Variants in IRS4 observed in about 807,000 individuals in gnomAD.
IRS4 encodes the protein 160 kDa phosphotyrosine protein.
A neutral mutation model predicts 48.6 loss-of-function variants in IRS4; 15 were observed. The ratio of observed to expected loss-of-function variants is 0.31; its 90% CI spans 0.21 to 0.48. The LOEUF is 0.48. Among genes scored for constraint, IRS4 ranks in the 20% least tolerant of loss-of-function variants. IRS4 has a pLI of 0.99. For synonymous variants in IRS4, 459 were observed against 413.2 expected (o/e 1.11, Z -1.34); for missense variants, 987 against 1,023.4 (o/e 0.96, Z 0.49).
chrX:108,733,448 A>T lies in IRS4; in HGVS notation c.2897T>A (p.Val966Glu), dbSNP rs754194620. ...FSNYVNVEFG[V>E]PFPNPANDLS... ...GTCGTTTGCTGGATTTGGAAATGGC[A>T]CTCCAAACTCAACATTCACATAATT... Residue 966 changes from valine to glutamate, a missense_variant, in exon 1 of 2, where the codon GTG (valine) becomes GAG (glutamate). Transcript: ENST00000372129. 3 of 1,210,732 alleles carry T rather than the reference A, an allele frequency of 2.5e-6. No homozygotes were observed. The highest frequency in any genetic ancestry group is 3.4e-6 in the Non-Finnish European group (3 of 895,123).
Position 108,720,345 on chromosome X carries a change from C to G in IRS4, c.*2174G>C, listed in dbSNP as rs146772513. On this transcript the variant is annotated 3_prime_UTR_variant, in exon 2 of 2. Coordinates refer to ENST00000372129, the MANE Select transcript of IRS4 (RefSeq NM_001379150.1). ...GTAAACATATTCCACAAAGATTCTT[C>G]CAGCACAATACTGAATAAATTAATT... The G allele has an allele frequency of 1.5e-4, 17 of 112,267 alleles. No homozygotes were observed. Among genetic ancestry groups the G allele is most frequent in the South Asian group, 7.4e-4 (2 of 2,711 alleles). 9.3% of individuals were successfully genotyped at this position (112,267 alleles called of 1,213,427 possible).
In IRS4 at chrX:108,735,937, G is replaced by C. The variant is rs112965301; in HGVS notation, c.408C>G (p.Ala136=). The C allele has an allele frequency of 5.1e-5, 61 of 1,205,197 alleles. No individual in the cohort carries two copies. The highest frequency in any genetic ancestry group is 4.8e-4 in the African/African-American group (27 of 56,711). ...GCGGTGGAATGAGCGGGGGGATCGC[G>C]GCGCCAGAGGCGGCCGCCGCTGCTG... The part of the protein sequence containing the change: ...AAAAAAAASG[A]AIPPLIPPRR... The change falls in exon 1 of 2, where the codon GCC becomes GCG. Residue 136 remains alanine, a synonymous_variant. Coordinates refer to ENST00000372129, the MANE Select transcript of IRS4 (RefSeq NM_001379150.1).
chrX:108,735,967 C>A lies in IRS4; in HGVS notation c.378G>T (p.Ala126=), dbSNP rs760593078. 1.7e-6 allele frequency: 2 copies of A among 1,207,492 alleles called. No homozygotes were observed. Among genetic ancestry groups the A allele is most frequent in the Admixed American group, 2.2e-5 (1 of 45,957 alleles). ...RKFRHSVRAA[A]AAAAAAASGA... ...CAGAGGCGGCCGCCGCTGCTGCAGC[C>A]GCCGCGGCGCGGACACTGTGCCGGA... is the stretch of plus-strand genomic sequence containing the variant. The change falls in exon 1 of 2, where the codon GCG becomes GCT. Residue 126 remains alanine (A), a synonymous_variant. Coordinates refer to ENST00000372129, the MANE Select transcript of IRS4 (RefSeq NM_001379150.1).
Position 108,736,527 on chromosome X carries a change from A to C in IRS4, c.-183T>G. The C allele has an allele frequency of 2.6e-6, 2 of 755,559 alleles. No homozygotes were observed. Among genetic ancestry groups the C allele is most frequent in the Non-Finnish European group, 3.8e-6 (2 of 526,067 alleles). 62.3% of individuals were successfully genotyped at this position (755,559 alleles called of 1,213,427 possible). On this transcript the variant is annotated 5_prime_UTR_variant, in exon 1 of 2. Transcript: ENST00000372129. Reference sequence around the variant, plus strand: ...CAAAACAACACGTGACCACAGCCTCACGCGGCGGCCGCTGCGGATCCTGCT... The same window carrying C: ...CAAAACAACACGTGACCACAGCCTCCCGCGGCGGCCGCTGCGGATCCTGCT...
rs370954750 is a variant in IRS4 at position 108,735,535 on chromosome X, G to C, written c.810C>G (p.Thr270=). 8.3e-7 allele frequency: 1 copy of C among 1,207,336 alleles called. No homozygotes were observed. Among genetic ancestry groups the C allele is most frequent in the Non-Finnish European group, 1.1e-6 (1 of 894,483 alleles). ...DEEVVFVRLN[T]EVASVVVQLL... is the part of the protein sequence containing the mutation. Reference sequence around the variant, plus strand: ...GCTGGACGACCACGCTGGCCACTTCGGTGTTCAGCCTCACAAACACGACCT... The same window carrying C: ...GCTGGACGACCACGCTGGCCACTTCCGTGTTCAGCCTCACAAACACGACCT... Residue 270 remains threonine (T), a synonymous_variant, in exon 1 of 2, where the codon ACC becomes ACG. Coordinates refer to ENST00000372129, the MANE Select transcript of IRS4 (RefSeq NM_001379150.1).
chrX:108,735,734 C>T lies in IRS4; in HGVS notation c.611G>A (p.Arg204His). The T allele has an allele frequency of 8.4e-7, 1 of 1,186,343 alleles. No individual in the cohort carries two copies. The highest frequency in any genetic ancestry group is 1.1e-6 in the Non-Finnish European group (1 of 883,805). Reference sequence around the variant, plus strand: ...CTGCGCGCCGAGCGTGCCGCAGCGGCGGCGCTTGCTCTCGAGGATGAGGCG... The same window carrying T: ...CTGCGCGCCGAGCGTGCCGCAGCGGTGGCGCTTGCTCTCGAGGATGAGGCG... ...LSRLILESKR[R>H]RCGTLGAQPD... The change falls in exon 1 of 2, where the codon CGC becomes CAC. Residue 204 changes from arginine to histidine, a missense_variant. By Grantham distance (29) the Arg-to-His change is conservative. Coordinates refer to ENST00000372129, the MANE Select transcript of IRS4 (RefSeq NM_001379150.1).
At position 108,735,097 on chromosome X, in the gene IRS4, C is replaced by A; in HGVS notation, c.1248G>T (p.Leu416=). The A allele has an allele frequency of 8.3e-7, 1 of 1,211,896 alleles. No homozygotes were observed. Among genetic ancestry groups the A allele is most frequent in the Non-Finnish European group, 1.1e-6 (1 of 895,598 alleles). Residue 416 remains leucine (L), a synonymous_variant, in exon 1 of 2, where the codon CTG becomes CTT. Coordinates refer to ENST00000372129, the MANE Select transcript of IRS4 (RefSeq NM_001379150.1). ...VAHSRRGRLH[L]PRGRRSRRAV... is the part of the protein sequence containing the mutation. Reference sequence around the variant, plus strand: ...CTCTCCTTGACCTGCGCCCTCTGGGCAGGTGCAGTCTTCCTCGCCTGGAGT... The same window carrying A: ...CTCTCCTTGACCTGCGCCCTCTGGGAAGGTGCAGTCTTCCTCGCCTGGAGT...
chrX:108,726,880 C>T (rs1053621153), intron 1 of IRS4: 3 of 112,185 alleles, frequency 2.7e-5, no homozygotes, highest in African/African-American at 9.7e-5. Flanking sequence ...GGCAGCACAG[C>T]CTTGGATCTG....
chrX:108,727,242 A>C (rs2068880879), intron 1 of IRS4, among the ~76,000 whole-genome samples: 1 of 112,465 alleles, frequency 8.9e-6, no homozygotes, highest in African/African-American at 3.2e-5. Context: ...TTAATTATTC[A>C]GCCAGAAGTT....
At position 108,736,372 on chromosome X, in the gene IRS4, C is replaced by A; in HGVS notation, c.-28G>T. ...TGATGCACGATGGTTTTAAGGTGAG[C>A]GAGGAGGAGGGGGAATTCAGGAAAG... On this transcript the variant is annotated 5_prime_UTR_variant, in exon 1 of 2. Coordinates refer to ENST00000372129, the MANE Select transcript of IRS4 (RefSeq NM_001379150.1). The A allele has an allele frequency of 2.5e-6, 3 of 1,208,951 alleles. No homozygotes were observed. The highest frequency in any genetic ancestry group is 3.4e-6 in the Non-Finnish European group (3 of 894,754).
At chrX:108,722,774 T>A (rs1319025685) in intron 1 of IRS4, 2 of 202,165 alleles carry the variant, frequency 9.9e-6, no homozygotes, top group Non-Finnish European at 1.9e-5. Context: ...CACTGACATT[T>A]CTGGTGGACA....
Position 108,722,399 on chromosome X carries a change from G to A in IRS4, c.*120C>T. On this transcript the variant is annotated 3_prime_UTR_variant, in exon 2 of 2. Coordinates refer to ENST00000372129, the MANE Select transcript of IRS4 (RefSeq NM_001379150.1). The stretch of plus-strand genomic sequence containing the variant: ...TCCACTTGTAGGCTTGTAGAAATTT[G>A]GGTTGCTTTCTACTCAGAAGCCTCT... The A allele has an allele frequency of 3.9e-6, 1 of 254,736 alleles. No individual in the cohort carries two copies. Among genetic ancestry groups the A allele is most frequent in the Non-Finnish European group, 7.4e-6 (1 of 135,047 alleles). The allele number at this position is 254,736 out of a possible 1,213,427, so 21.0% of individuals were successfully genotyped here.
rs750738993 is a variant in IRS4, at chrX:108,735,298, G to T, written c.1047C>A (p.Ala349=). 5.0e-6 allele frequency: 6 copies of T among 1,209,581 alleles called. No individual in the cohort carries two copies. The East Asian group carries it at 8.9e-5, about 18-fold the overall frequency. ...RCRSYSISIG[A]HLLTLLSARR... ...TAGCGGACAGCAGGGTTAACAGGTG[G>T]GCGCCGATGCTGATGCTGTAGCTGC... The change falls in exon 1 of 2, where the codon GCC becomes GCA. Residue 349 remains alanine (A), a synonymous_variant. Transcript: ENST00000372129.
Position 108,733,828 on chromosome X carries a change from C to T in IRS4, c.2517G>A (p.Arg839=), listed in dbSNP as rs1234239003. 1 of 1,211,337 alleles carries T rather than the reference C, an allele frequency of 8.3e-7. No homozygotes were observed. Among genetic ancestry groups the T allele is most frequent in the Admixed American group, 2.2e-5 (1 of 46,013 alleles). The part of the protein sequence containing the change: ...VPMLPGKFLG[R]GLDKEVSYNW... ...TATAGGAGACTTCTTTGTCTAGGCC[C>T]CTCCCCAGGAACTTTCCAGGTAACA... is the stretch of plus-strand genomic sequence containing the variant. Residue 839 remains arginine, a synonymous_variant, in exon 1 of 2, where the codon AGG becomes AGA. Transcript: ENST00000372129.
intron 1 of IRS4, chrX:108,724,659 A>G (rs181160883): frequency 4.5e-5 from 5 of 111,874 alleles, no homozygotes; most frequent in African/African-American, 1.6e-4. Flanking sequence ...CAGTCTGCAA[A>G]ATGAATATTA....
At position 108,735,718 on chromosome X, in the gene IRS4, G is replaced by A; in HGVS notation, c.627C>T (p.Leu209=). The change falls in exon 1 of 2, where the codon CTC becomes CTT. Residue 209 remains leucine, a synonymous_variant. Coordinates refer to ENST00000372129, the MANE Select transcript of IRS4 (RefSeq NM_001379150.1). ...CCGGCTCTCCGTCCGGCTGCGCGCC[G>A]AGCGTGCCGCAGCGGCGGCGCTTGC... ...LESKRRRCGT[L]GAQPDGEPAA... 8.5e-7 allele frequency: 1 copy of A among 1,181,885 alleles called. No individual in the cohort carries two copies. The highest frequency in any genetic ancestry group is 1.1e-6 in the Non-Finnish European group (1 of 881,627).
chrX:108,730,394 A>T (rs1395201486), intron 1 of IRS4, among the ~76,000 whole-genome samples: 2 of 98,588 alleles, frequency 2.0e-5, no homozygotes. Flanking sequence ...TATGTGCAGG[A>T]ATCACCCTCA....
rs1945171734 is a variant in IRS4 at position 108,722,512 on chromosome X, A to C, written c.*7T>G. The C allele has an allele frequency of 3.1e-6, 1 of 327,587 alleles. No individual in the cohort carries two copies. The highest frequency in any genetic ancestry group is 5.9e-6 in the Non-Finnish European group (1 of 168,505). 27.0% of individuals were successfully genotyped at this position (327,587 alleles called of 1,213,427 possible). Reference sequence around the variant, plus strand: ...TTCTTCTAAAATGTGTTTTTGTGGCAATATAATCACTCTAGGAAAAAGATA... The same window carrying C: ...TTCTTCTAAAATGTGTTTTTGTGGCCATATAATCACTCTAGGAAAAAGATA... On this transcript the variant is annotated 3_prime_UTR_variant, in exon 2 of 2. Coordinates refer to ENST00000372129, the MANE Select transcript of IRS4 (RefSeq NM_001379150.1).
At position 108,720,858 on chromosome X, in the gene IRS4, GA is replaced by G. The variant is rs1377751530; in HGVS notation, c.*1660del. The G allele has an allele frequency of 2.7e-5, 3 of 111,843 alleles. No homozygotes were observed. Among genetic ancestry groups the G allele is most frequent in the African/African-American group, 9.8e-5 (3 of 30,750 alleles). 9.2% of individuals were successfully genotyped at this position (111,843 alleles called of 1,213,427 possible). On this transcript the variant is annotated 3_prime_UTR_variant, in exon 2 of 2. Transcript: ENST00000372129. ...AGCACAATTTACAAGAGGGAAAAAA[GA>G]GCCCACCATCCCTTTGGTTGGTAGG...
Sources: allele counts gnomAD v4.1 joint callset (sites outside exome capture counted in the v4.1 genomes callset), GRCh38; gene constraint gnomAD v4.1.1; transcripts MANE v1.5; gene names NCBI Gene and HGNC (gene_info 2026-07-23, HGNC 2026-07-21).